Variants in GFM1 observed in about 807,000 individuals in gnomAD.
The protein encoded by GFM1 is G elongation factor mitochondrial 1.
A neutral mutation model predicts 96.2 loss-of-function variants in GFM1; 62 were observed. That is an observed-to-expected ratio of 0.64 (90% CI 0.53 to 0.80). The LOEUF is 0.80. GFM1 is among the 30% of genes least tolerant of loss of function. GFM1 has a pLI of 0.00. For missense variants in GFM1, 852 were observed against 916.6 expected (o/e 0.93, Z 0.91); for synonymous variants, 282 against 312.9 (o/e 0.90, Z 1.04).
At position 158,691,409 on chromosome 3, in the gene GFM1, A is replaced by G. The variant is rs752366088; in HGVS notation, c.2198A>G (p.Asn733Ser). 2 of 1,613,964 alleles carry G rather than the reference A, an allele frequency of 1.2e-6. No individual in the cohort carries two copies. The highest frequency in any genetic ancestry group is 1.7e-6 in the Non-Finnish European group (2 of 1,179,874). Residue 733 changes from asparagine to serine, a missense_variant, in exon 18 of 18, where the codon AAT (asparagine) becomes AGT (serine). Transcript: ENST00000486715. ...CLPSTQEDVI[N>S]KYLEATGQLP... ...CCATCCACACAAGAAGACGTCATTAATAAGTATTTGGAAGCTACAGGTCAA... is the reference window on the plus strand; with the variant it reads ...CCATCCACACAAGAAGACGTCATTAGTAAGTATTTGGAAGCTACAGGTCAA...
intron 13 of GFM1, among the ~76,000 whole-genome samples, chr3:158,677,590 T>C (rs1328435503): frequency 6.6e-6 from 1 of 152,216 alleles, no homozygotes; most frequent in East Asian, 1.9e-4. Context: ...AGTGAGCCTC[T>C]GCTTCCTGGG....
intron 13 of GFM1, among the ~76,000 whole-genome samples, chr3:158,680,778 CTGT>C (rs758017197): frequency 6.6e-6 from 1 of 152,124 alleles, no homozygotes; most frequent in Non-Finnish European, 1.5e-5. Flanking sequence ...CATAAGTATT[CTGT>C]TGTTTGGCAC....
chr3:158,672,264 T>TC, intron 13 of GFM1: 2 of 1,539,956 alleles, frequency 1.3e-6, no homozygotes, highest in South Asian at 2.4e-5. Context: ...GCACGGAGTG[T>TC]CTGCACCCAA....
intron 5 of GFM1, chr3:158,650,611 G>A (rs1042634382): frequency 2.6e-5 from 4 of 153,316 alleles, no homozygotes; most frequent in African/African-American, 9.6e-5. Context: ...GAAAGTTGTG[G>A]GGAGTCTTAG....
At chr3:158,653,243 T>G in intron 6 of GFM1, 67 bp from the exon 7 acceptor site, 7 of 1,259,866 alleles carry the variant, frequency 5.6e-6, no homozygotes, top group Non-Finnish European at 8.0e-6. Context: ...TTCATTTGTT[T>G]GTAGTTGACT....
At position 158,674,048 on chromosome 3, in the gene GFM1, T is replaced by C. The variant is rs1000997325; in HGVS notation, c.1601+7662T>C. Among the ~76,000 whole-genome samples, 8 of 152,066 alleles carry C rather than the reference T, an allele frequency of 5.3e-5. No homozygotes were observed. The South Asian group carries it at 1.5e-3, about 28-fold the overall frequency. Reference sequence around the variant, plus strand: ...CAGTCTTGTCCGTGTATGAGAAATTTGCTTTGCGAGACACTGTCTTTCACA... The same window carrying C: ...CAGTCTTGTCCGTGTATGAGAAATTCGCTTTGCGAGACACTGTCTTTCACA... On this transcript the variant is annotated intron_variant, in intron 13 of 17. Transcript: ENST00000486715.
At position 158,649,912 on chromosome 3, in the gene GFM1, A is replaced by G. The variant is rs902216783; in HGVS notation, c.689+755A>G. 2.8e-6 allele frequency: 3 copies of G among 1,082,854 alleles called. No individual in the cohort carries two copies. The African/African-American group carries it at 4.7e-5, about 17-fold the overall frequency. 67.1% of individuals were successfully genotyped at this position (1,082,854 alleles called of 1,614,324 possible). On this transcript the variant is annotated intron_variant, in intron 5 of 17. Coordinates refer to ENST00000486715, the MANE Select transcript of GFM1 (RefSeq NM_024996.7). ...CTGCTCTTACAGGTCTGCAGACCACACTTTGAGTGACACTGATCTAGACAA... is the reference window on the plus strand; with the variant it reads ...CTGCTCTTACAGGTCTGCAGACCACGCTTTGAGTGACACTGATCTAGACAA...
intron 8 of GFM1, 119 bp downstream of exon 8, chr3:158,654,750 A>AAG (rs1722606740): frequency 2.7e-6 from 2 of 734,332 alleles, no homozygotes. Flanking sequence ...GGAAAGTAGA[A>AAG]AGAGCAGGTA....
rs377068967 is a variant in GFM1, at chr3:158,654,626, C to T, written c.1078C>T (p.Leu360=). The change falls in exon 8 of 18, where the codon CTG becomes TTG. Residue 360 remains leucine (L), a synonymous_variant. Transcript: ENST00000486715. The stretch of plus-strand genomic sequence containing the variant: ...CCCATTTGTAGGCCTGGCTTTTAAA[C>T]TGGAGGTAAGTTGCTTTCTAATGTA... The part of the protein sequence containing the change: ...SHPFVGLAFK[L]EVGRFGQLTY... The T allele has an allele frequency of 3.7e-6, 6 of 1,605,052 alleles. No homozygotes were observed. The African/African-American group carries it at 8.0e-5, about 21-fold the overall frequency.
chr3:158,669,219 T>G, intron 13 of GFM1: 1 of 1,392,232 alleles, frequency 7.2e-7, no homozygotes, highest in Non-Finnish European at 9.8e-7. Flanking sequence ...TGTCTTAGTT[T>G]CCTTCGAATG....
At chr3:158,671,573 A>C (rs910808598) in intron 13 of GFM1, among the ~76,000 whole-genome samples, 1 of 152,270 alleles carries the variant, frequency 6.6e-6, no homozygotes, top group Non-Finnish European at 1.5e-5. Context: ...ATCAAGATAC[A>C]GATTGAAAAT....
At chr3:158,663,895 A>C (rs182355511) in intron 11 of GFM1, among the ~76,000 whole-genome samples, 1 of 152,288 alleles carries the variant, frequency 6.6e-6, no homozygotes, top group South Asian at 2.1e-4. Context: ...CGAATAATGA[A>C]GTCTCCATGA....
rs1245328528 is a variant in GFM1, at chr3:158,666,294, C to G, written c.1519-10C>G. 1.0e-5 allele frequency: 16 copies of G among 1,607,382 alleles called. No individual in the cohort carries two copies. The highest frequency in any genetic ancestry group is 1.4e-5 in the Non-Finnish European group (16 of 1,174,512). On this transcript the variant is annotated splice_polypyrimidine_tract_variant and intron_variant, in intron 12 of 17. Coordinates refer to ENST00000486715, the MANE Select transcript of GFM1 (RefSeq NM_024996.7). ...TTAAATTTAAATAATATTTTCCCCA[C>G]TCTTTTTAGAGGCTGGAAAGAGAGT...
At chr3:158,652,754 A>T (rs9815725) in intron 6 of GFM1, among the ~76,000 whole-genome samples, 63,188 of 152,092 alleles carry the variant, frequency 0.42, 14,270 homozygotes, top group African/African-American at 0.6. Flanking sequence ...TTACAAAAAG[A>T]AAAAGATAAG....
intron 15 of GFM1, among the ~76,000 whole-genome samples, chr3:158,685,884 T>C (rs1045825646): frequency 2.6e-5 from 4 of 152,206 alleles, no homozygotes; most frequent in Admixed American, 6.5e-5. Context: ...AAATTAGTTA[T>C]AATCACTTTA....
intron 15 of GFM1, among the ~76,000 whole-genome samples, chr3:158,685,759 G>A (rs1008537414): frequency 2.6e-4 from 40 of 152,110 alleles, no homozygotes; most frequent in Non-Finnish European, 1.9e-4. Context: ...TGTGTAAATA[G>A]GAAACAGGTA....
At chr3:158,660,722 T>G in intron 9 of GFM1, 152 bp from the exon 10 acceptor site, 1 of 678,040 alleles carries the variant, frequency 1.5e-6, no homozygotes. Context: ...GATTATTGTA[T>G]TGGTTCTAGC....
intron 13 of GFM1, among the ~76,000 whole-genome samples, chr3:158,669,890 G>C (rs1724110584): frequency 1.3e-5 from 2 of 152,162 alleles, no homozygotes; most frequent in Non-Finnish European, 2.9e-5. Flanking sequence ...TATTAATGGG[G>C]TGTCCATTTG....
intron 13 of GFM1, chr3:158,672,589 C>G (rs866535647): frequency 1.1e-4 from 147 of 1,347,060 alleles, no homozygotes; most frequent in Middle Eastern, 9.1e-4. Context: ...GCGGAAAAGT[C>G]GCAAGCTCCT....
Sources: allele counts gnomAD v4.1 joint callset (sites outside exome capture counted in the v4.1 genomes callset), GRCh38; gene constraint gnomAD v4.1.1; transcripts MANE v1.5; gene names NCBI Gene and HGNC (gene_info 2026-07-23, HGNC 2026-07-21).